The following ZDHHC21 variants were observed in gnomAD, a reference collection of about 807,000 sequenced individuals.
ZDHHC21 encodes the protein zDHHC palmitoyltransferase 21.
A neutral mutation model predicts 34.6 loss-of-function variants in ZDHHC21; 15 were observed. That is an observed-to-expected ratio of 0.43 (90% confidence interval 0.29 to 0.67). The LOEUF (loss-of-function observed/expected upper bound fraction) is 0.67. ZDHHC21 is among the 30% of genes least tolerant of loss of function. ZDHHC21 has a pLI of 0.14. For synonymous variants in ZDHHC21, 142 were observed against 101.8 expected (o/e 1.40, Z -2.38); for missense variants, 344 against 327.7 (o/e 1.05, Z -0.38).
At position 14,693,228 on chromosome 9, in the gene ZDHHC21, C is replaced by T. The variant is rs1003767782; in HGVS notation, c.-225+1G>A. 1 of 399,972 alleles carries T rather than the reference C, an allele frequency of 2.5e-6. No individual in the cohort carries two copies. Among genetic ancestry groups the T allele is most frequent in the Admixed American group, 2.9e-5 (1 of 34,908 alleles). The allele number at this position is 399,972 out of a possible 1,614,324, so 24.8% of individuals were successfully genotyped here. A position where few individuals can be genotyped will look rare whatever the true frequency, so the allele number is the denominator to read the frequency against. On this transcript the variant is annotated splice_donor_variant, in intron 1 of 9. Transcript: ENST00000380916. LOFTEE classifies it low-confidence loss of function (5UTR_SPLICE). ...CTTCGCCCCCGCGCCTGCACACTCA[C>T]CGTCGCCGCTGGCTCGCCTCTCGCT...
In ZDHHC21 at chr9:14,672,927, T is replaced by C; in HGVS notation, c.156A>G (p.Ile52Met). 1 of 1,546,532 alleles carries C rather than the reference T, an allele frequency of 6.5e-7. No individual in the cohort carries two copies. Among genetic ancestry groups the C allele is most frequent in the Non-Finnish European group, 8.8e-7 (1 of 1,136,534 alleles). The change falls in exon 5 of 10, where the codon ATA (isoleucine) becomes ATG (methionine). Residue 52 changes from isoleucine to methionine, a missense_variant and splice_region_variant. Physicochemically the swap from Ile to Met is conservative, Grantham distance 10 (BLOSUM62 1). Coordinates refer to ENST00000380916, the MANE Select transcript of ZDHHC21 (RefSeq NM_178566.6). Reference sequence around the variant, plus strand: ...GACAGAATATGGAAATGCCATAGAATACTTTAAAATAAATAAATTAAATAA... The same window carrying C: ...GACAGAATATGGAAATGCCATAGAACACTTTAAAATAAATAAATTAAATAA... ...EGHIPGILIIIFYGISIFCLV... is the reference protein window; with the variant it reads ...EGHIPGILIIMFYGISIFCLV...
rs1158481012 is a variant in ZDHHC21, at chr9:14,617,789, G to A, written c.*1177C>T. On this transcript the variant is annotated 3_prime_UTR_variant, in exon 10 of 10. Transcript: ENST00000380916. ...AGATCATTATATTTTCTTATTTTAG[G>A]TTCACTTCCTAACACTAGCTACTAG... The A allele has an allele frequency of 6.6e-6, 1 of 151,714 alleles. No homozygotes were observed. The allele number at this position is 151,714 out of a possible 1,614,324, so 9.4% of individuals were successfully genotyped here.
At chr9:14,598,918 T>G in the ZDHHC21 span, among the ~76,000 whole-genome samples, 1 of 129,670 alleles carries the variant, frequency 7.7e-6, no homozygotes. Context: ...ATCCCAGGCC[T>G]AGCTAAATTT....
the ZDHHC21 span, among the ~76,000 whole-genome samples, chr9:14,599,076 T>G: frequency 6.6e-6 from 1 of 152,114 alleles, no homozygotes; most frequent in Non-Finnish European, 1.5e-5. Flanking sequence ...AGTGTGAAAT[T>G]TAACGAAGAG....
chr9:14,668,206 A>C lies in ZDHHC21; in HGVS notation c.253+4624T>G, dbSNP rs1051910704. The stretch of plus-strand genomic sequence containing the variant: ...ATCACAAGCATTCTTATACATCAAC[A>C]ACAGACAAACAGAGAGCCAAATCAT... On this transcript the variant is annotated intron_variant, in intron 5 of 9. Transcript: ENST00000380916. Among the ~76,000 whole-genome samples, 246 of 135,840 alleles carry C rather than the reference A, an allele frequency of 1.8e-3. 1 individual carries two copies. The highest frequency in any genetic ancestry group is 6.4e-3 in the African/African-American group (230 of 35,986). The allele number at this position is 135,840 out of a possible 152,430, so 89.1% of individuals were successfully genotyped here.
At chr9:14,649,323 C>G (rs1001843385) in intron 7 of ZDHHC21, among the ~76,000 whole-genome samples, 1 of 152,040 alleles carries the variant, frequency 6.6e-6, no homozygotes, top group East Asian at 1.9e-4. Flanking sequence ...CTAAAGCATA[C>G]AGATTTGAAT....
At chr9:14,600,821 G>C in the ZDHHC21 span, among the ~76,000 whole-genome samples, 1 of 152,158 alleles carries the variant, frequency 6.6e-6, no homozygotes, top group Non-Finnish European at 1.5e-5. Context: ...CAATGGAACA[G>C]AACAGAGGCC....
At chr9:14,619,512 G>A (rs916995965) in intron 9 of ZDHHC21, 127 bp downstream of exon 9, 12 of 786,046 alleles carry the variant, frequency 1.5e-5, no homozygotes, top group African/African-American at 1.5e-4. Context: ...GCCTAGCACA[G>A]GCCTCAGACA....
At chr9:14,653,292 T>C (rs1831586144) in intron 7 of ZDHHC21, among the ~76,000 whole-genome samples, 1 of 151,904 alleles carries the variant, frequency 6.6e-6, no homozygotes, top group African/African-American at 2.4e-5. Flanking sequence ...AAAACACTGA[T>C]GAGGCAGTAT....
intron 8 of ZDHHC21, chr9:14,622,680 C>T: frequency 1.0e-6 from 1 of 985,020 alleles, no homozygotes. Flanking sequence ...GCTGAAGAGT[C>T]CTTTGGCACA....
chr9:14,627,070 A>G (rs965114998), intron 8 of ZDHHC21, among the ~76,000 whole-genome samples: 1 of 152,142 alleles, frequency 6.6e-6, no homozygotes, highest in Non-Finnish European at 1.5e-5. Flanking sequence ...TAATTGTTAT[A>G]AAGAGTGTAC....
chr9:14,639,243 G>A (rs943876280), intron 8 of ZDHHC21, among the ~76,000 whole-genome samples: 1 of 151,982 alleles, frequency 6.6e-6, no homozygotes, highest in Non-Finnish European at 1.5e-5. Context: ...TATGTTAAAT[G>A]AAACAAACCA....
intron 7 of ZDHHC21, among the ~76,000 whole-genome samples, chr9:14,646,694 G>T (rs1396229498): frequency 6.6e-6 from 1 of 152,042 alleles, no homozygotes; most frequent in Admixed American, 6.6e-5. Flanking sequence ...ACAACCACAA[G>T]CATACTCCCC....
At chr9:14,607,558 G>C (rs1823052096), downstream of ZDHHC21, among the ~76,000 whole-genome samples, 1 of 151,306 alleles carries the variant, frequency 6.6e-6, no homozygotes, top group South Asian at 2.1e-4. Context: ...GAGGGTGGGA[G>C]TGAAGATTTT....
chr9:14,639,388 A>C (rs970610449), intron 8 of ZDHHC21, among the ~76,000 whole-genome samples: 1 of 152,068 alleles, frequency 6.6e-6, no homozygotes, highest in Non-Finnish European at 1.5e-5. Context: ...GGACGAAGAG[A>C]GTGTGGTTAA....
At position 14,615,076 on chromosome 9, in the gene ZDHHC21, T is replaced by C. The variant is rs1823940221; in HGVS notation, c.*3890A>G. Reference sequence around the variant, plus strand: ...TATTAAACCAGAGCTTGGTACATTGTGATTTTATAGCAATACATGTGAAAA... The same window carrying C: ...TATTAAACCAGAGCTTGGTACATTGCGATTTTATAGCAATACATGTGAAAA... On this transcript the variant is annotated 3_prime_UTR_variant, in exon 10 of 10. Transcript: ENST00000380916. 1 of 151,724 alleles carries C rather than the reference T, an allele frequency of 6.6e-6. No individual in the cohort carries two copies. Among genetic ancestry groups the C allele is most frequent in the Non-Finnish European group, 1.5e-5 (1 of 67,724 alleles). The allele number at this position is 151,724 out of a possible 1,614,324, so 9.4% of individuals were successfully genotyped here. A position where few individuals can be genotyped will look rare whatever the true frequency, so the allele number is the denominator to read the frequency against.
chr9:14,666,066 G>A, intron 5 of ZDHHC21, among the ~76,000 whole-genome samples: 1 of 150,170 alleles, frequency 6.7e-6, no homozygotes, highest in African/African-American at 2.4e-5. Context: ...ATTGGATAAA[G>A]AGTCAAGACC....
At chr9:14,604,742 TTAAA>T in the ZDHHC21 span, among the ~76,000 whole-genome samples, 13 of 152,212 alleles carry the variant, frequency 8.5e-5, no homozygotes, top group Admixed American at 6.5e-5. Context: ...TAGTAAATTT[TTAAA>T]TATACAGTAC....
At chr9:14,664,068 G>A (rs919253948) in intron 5 of ZDHHC21, among the ~76,000 whole-genome samples, 8 of 152,096 alleles carry the variant, frequency 5.3e-5, no homozygotes, top group Admixed American at 2.6e-4. Context: ...CGCAGAAGAC[G>A]GGTGATTTCT....
Sources: gnomAD v4.1 joint callset for allele counts (sites outside exome capture counted in the v4.1 genomes callset) on GRCh38, gnomAD v4.1.1 for gene constraint, MANE v1.5 for transcripts, NCBI Gene and HGNC (gene_info 2026-07-23, HGNC 2026-07-21) for gene names.